The following SDK1 variants were observed in gnomAD, a reference collection of about 807,000 sequenced individuals.
The protein encoded by SDK1 is protein sidekick-1.
Under a neutral mutation model 245.5 loss-of-function variants are expected in SDK1, and 157 were observed. The ratio of observed to expected loss-of-function variants is 0.64; its 90% CI spans 0.56 to 0.73. The LOEUF is 0.73. Ranked by LOEUF, SDK1 falls within the 30% of genes least tolerant of loss-of-function variation. The pLI is 0.00. For missense variants in SDK1, 3,583 were observed against 3,002.3 expected (o/e 1.19, Z -4.52); for synonymous variants, 1,647 against 1,278.5 (o/e 1.29, Z -6.15).
chr7:3,608,837 A>G (rs1021526447), intron 1 of SDK1, among the ~76,000 whole-genome samples: 7 of 152,244 alleles, frequency 4.6e-5, no homozygotes, highest in South Asian at 2.1e-4. Flanking sequence ...TAGTTTTACT[A>G]AAGTATTAAC....
At chr7:3,996,298 A>T (rs1208988137) in intron 14 of SDK1, among the ~76,000 whole-genome samples, 2 of 152,190 alleles carry the variant, frequency 1.3e-5, no homozygotes, top group Non-Finnish European at 2.9e-5. Context: ...CTTTACTTCC[A>T]AAAGGTGTTT....
chr7:4,257,708 G>T (rs1206772904), intron 44 of SDK1, among the ~76,000 whole-genome samples: 1 of 152,160 alleles, frequency 6.6e-6, no homozygotes, highest in Non-Finnish European at 1.5e-5. Flanking sequence ...CTGTACAATG[G>T]TTATGTTCTG....
intron 1 of SDK1, among the ~76,000 whole-genome samples, chr7:3,389,862 G>T (rs1363055483): frequency 6.6e-6 from 1 of 152,176 alleles, no homozygotes; most frequent in African/African-American, 2.4e-5. Context: ...ATTGAGTAGA[G>T]GCTTGAAAAA....
chr7:3,704,215 G>A (rs1439108529), intron 4 of SDK1, among the ~76,000 whole-genome samples: 5 of 151,950 alleles, frequency 3.3e-5, no homozygotes, highest in Admixed American at 6.6e-5. Flanking sequence ...CGCCAAAGAC[G>A]TTATTTTGTT....
intron 22 of SDK1, among the ~76,000 whole-genome samples, chr7:4,093,301 A>G (rs998858017): frequency 1.3e-5 from 2 of 152,088 alleles, no homozygotes; most frequent in African/African-American, 4.8e-5. Context: ...TTACCTCTGT[A>G]AACCCCTGCC....
At chr7:4,174,728 C>T (rs1320988820) in intron 33 of SDK1, among the ~76,000 whole-genome samples, 2 of 152,154 alleles carry the variant, frequency 1.3e-5, no homozygotes, top group Admixed American at 6.5e-5. Context: ...ACAGGCCCCG[C>T]CTGTCTGTAC....
chr7:4,110,583 C>A, intron 22 of SDK1, 80 bp from the exon 23 acceptor site: 1 of 1,001,144 alleles, frequency 1.0e-6, no homozygotes, highest in Non-Finnish European at 1.6e-6. Context: ...TCACCAGGTA[C>A]CAGCAGGTGC....
intron 4 of SDK1, among the ~76,000 whole-genome samples, chr7:3,766,291 C>G (rs1338293467): frequency 6.6e-6 from 1 of 152,194 alleles, no homozygotes; most frequent in Non-Finnish European, 1.5e-5. Context: ...ATTCATGCCT[C>G]AAGAAGTTCT....
intron 13 of SDK1, 131 bp from the exon 14 acceptor site, chr7:3,987,055 G>A: frequency 1.2e-6 from 1 of 847,078 alleles, no homozygotes; most frequent in Non-Finnish European, 1.9e-6. Context: ...TAATATTTGT[G>A]TTTGGGCATA....
chr7:3,578,349 G>T (rs1451029434), intron 1 of SDK1, among the ~76,000 whole-genome samples: 1 of 152,014 alleles, frequency 6.6e-6, no homozygotes, highest in African/African-American at 2.4e-5. Flanking sequence ...GGGCAAAAAG[G>T]AGAACTAAGA....
intron 1 of SDK1, among the ~76,000 whole-genome samples, chr7:3,508,562 A>T (rs193184345): frequency 6.6e-6 from 1 of 152,174 alleles, no homozygotes; most frequent in Admixed American, 6.5e-5. Flanking sequence ...TCCTGACCTC[A>T]AATGATATAC....
At position 4,220,153 on chromosome 7, in the gene SDK1, C is replaced by T. The variant is rs367849803; in HGVS notation, c.5584C>T (p.Arg1862Cys). The change falls in exon 39 of 45, where the codon CGC becomes TGC. Residue 1862 changes from arginine (R) to cysteine (C), a missense_variant. Coordinates refer to ENST00000404826, the MANE Select transcript of SDK1 (RefSeq NM_152744.4). The stretch of plus-strand genomic sequence containing the variant: ...CGTGGAAGTGAGAGGGAACTGGCAG[C>T]GCTGGCTGAAGGTGCGGGACCTCAC... ...VTVEVRGNWQ[R>C]WLKVRDLTKG... 1.1e-5 allele frequency: 18 copies of T among 1,613,910 alleles called. No individual in the cohort carries two copies. The highest frequency in any genetic ancestry group is 6.6e-5 in the South Asian group (6 of 91,080).
rs752490004 is a variant in SDK1, at chr7:3,816,813, C to T, written c.714-4637C>T. Reference sequence around the variant, plus strand: ...TCAGAACACTAAGCCTTGGAATCAACCCTTTTAAAAGTTGCTTAATTAAAA... The same window carrying T: ...TCAGAACACTAAGCCTTGGAATCAATCCTTTTAAAAGTTGCTTAATTAAAA... On this transcript the variant is annotated intron_variant, in intron 4 of 44. Coordinates refer to ENST00000404826, the MANE Select transcript of SDK1 (RefSeq NM_152744.4). Among the ~76,000 whole-genome samples, 6 of 152,134 alleles carry T rather than the reference C, an allele frequency of 3.9e-5. No individual in the cohort carries two copies. In the South Asian group the frequency reaches 8.3e-4, roughly 21 times the overall value.
intron 22 of SDK1, among the ~76,000 whole-genome samples, chr7:4,097,886 G>A (rs1376600401): frequency 6.6e-6 from 1 of 152,146 alleles, no homozygotes; most frequent in African/African-American, 2.4e-5. Flanking sequence ...CAGGAGAGCT[G>A]TCATTGGCCC....
At chr7:4,111,033 T>C (rs1783306121) in intron 23 of SDK1, among the ~76,000 whole-genome samples, 1 of 152,162 alleles carries the variant, frequency 6.6e-6, no homozygotes, top group Admixed American at 6.5e-5. Flanking sequence ...AATGGCCCAC[T>C]GTTATTATAT....
chr7:3,448,007 A>G (rs1043353098), intron 1 of SDK1, among the ~76,000 whole-genome samples: 14 of 152,030 alleles, frequency 9.2e-5, no homozygotes, highest in African/African-American at 3.4e-4. Context: ...CCCGGCCTAT[A>G]TATCTTTATT....
At chr7:3,358,730 G>A (rs913275343) in intron 1 of SDK1, among the ~76,000 whole-genome samples, 8 of 152,188 alleles carry the variant, frequency 5.3e-5, no homozygotes, top group Admixed American at 4.6e-4. Context: ...TCCCCTGGAA[G>A]ACTTAATTTG....
intron 19 of SDK1, among the ~76,000 whole-genome samples, chr7:4,057,041 G>A (rs1035314802): frequency 1.3e-5 from 2 of 152,240 alleles, no homozygotes; most frequent in Non-Finnish European, 1.5e-5. Flanking sequence ...TCATCTTGAG[G>A]ACAGACTTCG....
At chr7:4,239,760 C>T (rs1786406113) in intron 42 of SDK1, among the ~76,000 whole-genome samples, 1 of 152,204 alleles carries the variant, frequency 6.6e-6, no homozygotes, top group Admixed American at 6.5e-5. Flanking sequence ...AACCGCTGGG[C>T]CAGACCTCTT....
Sources: gnomAD v4.1 joint callset for allele counts (sites outside exome capture counted in the v4.1 genomes callset) on GRCh38, gnomAD v4.1.1 for gene constraint, MANE v1.5 for transcripts, NCBI Gene and HGNC (gene_info 2026-07-23, HGNC 2026-07-21) for gene names.